The following GNAO1 variants were observed in gnomAD, a reference collection of about 807,000 sequenced individuals.
GNAO1 encodes the protein guanine nucleotide-binding protein G(o) subunit alpha.
For synonymous variants in GNAO1, 164 were observed against 180.7 expected (o/e 0.91, Z 0.74); for missense variants, 166 against 478.7 (o/e 0.35, Z 6.10).
At chr16:56,256,245 C>T (rs2036845063) in intron 2 of GNAO1, among the ~76,000 whole-genome samples, 1 of 152,218 alleles carries the variant, frequency 6.6e-6, no homozygotes, top group Non-Finnish European at 1.5e-5. Context: ...GTCTCCCTTA[C>T]TTCCCATTCC....
At chr16:56,297,514 G>A (rs868358513) in intron 3 of GNAO1, among the ~76,000 whole-genome samples, 124 of 140,642 alleles carry the variant, frequency 8.8e-4, no homozygotes, top group African/African-American at 3.1e-3. Flanking sequence ...CACCTGTTTT[G>A]TCTAACTGGT....
At chr16:56,302,305 TCCCAGGATCCA>T (rs1269531552) in intron 3 of GNAO1, 1 of 151,968 alleles carries the variant, frequency 6.6e-6, no homozygotes, top group Non-Finnish European at 1.5e-5. Context: ...CCTACCTCCT[TCCCAGGATCCA>T]CCAGCTAAGC....
rs959359587 is a variant in GNAO1 at position 56,261,878 on chromosome 16, A to G, written c.162-14053A>G. On this transcript the variant is annotated intron_variant, in intron 2 of 8. Coordinates refer to ENST00000262493, the MANE Select transcript of GNAO1 (RefSeq NM_020988.3). ...CTTTCCAAACAAACGTCCAAGGGCT[A>G]TGCAGCTTCAATGCCGTCAAGACTC... Among the ~76,000 whole-genome samples the G allele has an allele frequency of 3.3e-5, 5 of 152,318 alleles. No homozygotes were observed. In the East Asian group the frequency reaches 9.7e-4, roughly 29 times the overall value.
intron 2 of GNAO1, among the ~76,000 whole-genome samples, chr16:56,247,993 G>A (rs2036765134): frequency 6.6e-6 from 1 of 152,150 alleles, no homozygotes; most frequent in Non-Finnish European, 1.5e-5. Context: ...GTTCATAAAG[G>A]CATGATGTCT....
intron 2 of GNAO1, among the ~76,000 whole-genome samples, chr16:56,229,315 G>T (rs186703517): frequency 4.6e-5 from 7 of 152,030 alleles, no homozygotes; most frequent in South Asian, 2.1e-4. Context: ...AGTAATTCTC[G>T]TGCCTCAGCC....
chr16:56,197,893 T>C (rs1321606852), intron 2 of GNAO1, among the ~76,000 whole-genome samples: 21 of 152,308 alleles, frequency 1.4e-4, no homozygotes, highest in South Asian at 6.2e-4. Context: ...TTTTCCGATA[T>C]GTGCTCAGCC....
At chr16:56,225,882 G>C (rs2036529047) in intron 2 of GNAO1, among the ~76,000 whole-genome samples, 1 of 152,060 alleles carries the variant, frequency 6.6e-6, no homozygotes, top group Admixed American at 6.6e-5. Context: ...TTTAGCTAAA[G>C]TAGGCAGGGA....
At chr16:56,216,967 G>A (rs1246487679) in intron 2 of GNAO1, among the ~76,000 whole-genome samples, 1 of 152,234 alleles carries the variant, frequency 6.6e-6, no homozygotes, top group Non-Finnish European at 1.5e-5. Flanking sequence ...TCCAGATAAA[G>A]CACTTGGCTT....
rs1309021909 is a variant in GNAO1, at chr16:56,351,063, C to T, written c.724-321C>T. ...AGGCACATGCACACAGCCACACACACGTGTGCTGGGAGACCCTCACATAGC... is the reference window on the plus strand; with the variant it reads ...AGGCACATGCACACAGCCACACACATGTGTGCTGGGAGACCCTCACATAGC... On this transcript the variant is annotated intron_variant, in intron 6 of 8. Coordinates refer to ENST00000262493, the MANE Select transcript of GNAO1 (RefSeq NM_020988.3). This position sits in a 1 kb window ranked among gnomAD's most constrained non-coding sequence, Gnocchi z 6.1. Among the ~76,000 whole-genome samples the T allele has an allele frequency of 5.3e-5, 8 of 152,220 alleles. No individual in the cohort carries two copies. The highest frequency in any genetic ancestry group is 2.1e-4 in the South Asian group (1 of 4,836).
intron 4 of GNAO1, among the ~76,000 whole-genome samples, chr16:56,329,985 G>T (rs1314589384): frequency 1.1e-4 from 17 of 152,184 alleles, no homozygotes; most frequent in Non-Finnish European, 1.5e-5. Context: ...CCTGATCTAC[G>T]CAATGCCAAT....
At chr16:56,313,756 T>G (rs945865601) in intron 3 of GNAO1, among the ~76,000 whole-genome samples, 1 of 152,230 alleles carries the variant, frequency 6.6e-6, no homozygotes, top group Non-Finnish European at 1.5e-5. Context: ...AGACGGTATC[T>G]GTCTCGCCCA....
At chr16:56,235,827 T>C (rs1240689756) in intron 2 of GNAO1, among the ~76,000 whole-genome samples, 1 of 152,162 alleles carries the variant, frequency 6.6e-6, no homozygotes, top group Non-Finnish European at 1.5e-5. Context: ...AGATAAGATA[T>C]TTATCTTATT....
chr16:56,351,360 TCTC>T lies in GNAO1; in HGVS notation c.724-19_724-17del. The T allele has an allele frequency of 6.3e-7, 1 of 1,594,242 alleles. No individual in the cohort carries two copies. ...TGTCTCCCTCCCGCTGTCTGTCCTCTCTCCTCCCTTCCTGCGGCCGCAGAACCG... is the reference window on the plus strand; with the variant it reads ...TGTCTCCCTCCCGCTGTCTGTCCTCTCTCCCTTCCTGCGGCCGCAGAACCG... On this transcript the variant is annotated intron_variant, in intron 6 of 8. Transcript: ENST00000262493. The surrounding 1 kb of genome is among the most constrained non-coding windows in gnomAD (Gnocchi z 6.1).
intron 2 of GNAO1, among the ~76,000 whole-genome samples, chr16:56,219,775 AC>A (rs1372398163): frequency 2.6e-5 from 4 of 151,774 alleles, no homozygotes; most frequent in Non-Finnish European, 5.9e-5. Flanking sequence ...GAAGCCTGAA[AC>A]CCCCGGCCTG....
chr16:56,343,985 T>A, intron 6 of GNAO1: 2 of 1,604,994 alleles, frequency 1.2e-6, no homozygotes, highest in Non-Finnish European at 1.7e-6. Context: ...TTGCCCTGCC[T>A]GGCCTGCCGC....
intron 5 of GNAO1, among the ~76,000 whole-genome samples, chr16:56,335,869 C>A (rs1418178920): frequency 2.0e-5 from 3 of 152,196 alleles, no homozygotes; most frequent in Non-Finnish European, 4.4e-5. Flanking sequence ...GGGGAGGATC[C>A]CCTGATTGAT....
At position 56,357,119 on chromosome 16, in the gene GNAO1, C is replaced by A. The variant is rs2037977385; in HGVS notation, c.*1045C>A. The A allele has an allele frequency of 6.6e-6, 1 of 152,370 alleles. No individual in the cohort carries two copies. Among genetic ancestry groups the A allele is most frequent in the Admixed American group, 6.6e-5 (1 of 15,256 alleles). 9.4% of individuals were successfully genotyped at this position (152,370 alleles called of 1,614,324 possible). ...GTGTTTACATTAAAGCCGCCGTTTT[C>A]ATGACCAATCCTATGTCATTTCTAC... On this transcript the variant is annotated 3_prime_UTR_variant, in exon 9 of 9. Coordinates refer to ENST00000262493, the MANE Select transcript of GNAO1 (RefSeq NM_020988.3).
intron 4 of GNAO1, among the ~76,000 whole-genome samples, chr16:56,329,751 T>C (rs1436789151): frequency 3.9e-5 from 6 of 152,164 alleles, no homozygotes; most frequent in African/African-American, 7.2e-5. Flanking sequence ...TCTGACATGA[T>C]CCAGTCCAGC....
chr16:56,221,833 A>G (rs2036492049), intron 2 of GNAO1, among the ~76,000 whole-genome samples: 1 of 152,070 alleles, frequency 6.6e-6, no homozygotes, highest in South Asian at 2.1e-4. Context: ...AAAGTTGTAC[A>G]CATGTCAATG....
Sources: allele counts gnomAD v4.1 joint callset (sites outside exome capture counted in the v4.1 genomes callset), GRCh38; gene constraint gnomAD v4.1.1; non-coding constraint Gnocchi (gnomAD v3.1); transcripts MANE v1.5; gene names NCBI Gene and HGNC (gene_info 2026-07-23, HGNC 2026-07-21).